The following TENM2 variants were observed in gnomAD, a reference collection of about 807,000 sequenced individuals.
TENM2 encodes teneurin transmembrane protein 2.
Under a neutral mutation model 245.2 loss-of-function variants are expected in TENM2, and 52 were observed. The ratio of observed to expected loss-of-function variants is 0.21; its 90% CI spans 0.17 to 0.27. The LOEUF is 0.27. Among genes scored for constraint, TENM2 ranks in the 10% least tolerant of loss-of-function variants. The pLI is 1.00. For missense variants in TENM2, 3,046 were observed against 3,666.8 expected, an observed-to-expected ratio of 0.83 and a Z score of 4.37; for synonymous variants, 1,363 against 1,438.9, an observed-to-expected ratio of 0.95 and a Z score of 1.19.
intron 2 of TENM2, among the ~76,000 whole-genome samples, chr5:167,385,045 A>G (rs1357856977): frequency 1.3e-5 from 2 of 152,212 alleles, no homozygotes; most frequent in African/African-American, 4.8e-5. Context: ...TATTACAACA[A>G]TTAGACTCCA....
chr5:167,638,446 T>C (rs1582618148), intron 2 of TENM2, among the ~76,000 whole-genome samples: 1 of 152,190 alleles, frequency 6.6e-6, no homozygotes, highest in East Asian at 1.9e-4. Flanking sequence ...AATTTTCTGA[T>C]TGATGGTGAG....
intron 2 of TENM2, among the ~76,000 whole-genome samples, chr5:167,648,656 A>G (rs910299941): frequency 6.6e-6 from 1 of 152,188 alleles, no homozygotes; most frequent in Non-Finnish European, 1.5e-5. Context: ...CTGCAGTCGG[A>G]TGGATGTCTG....
intron 2 of TENM2, among the ~76,000 whole-genome samples, chr5:167,643,498 TTAAAAA>T (rs1779740550): frequency 1.3e-5 from 2 of 152,136 alleles, no homozygotes; most frequent in African/African-American, 2.4e-5. Context: ...ACTGCTTCTG[TTAAAAA>T]TAAAAAAGGC....
intron 2 of TENM2, among the ~76,000 whole-genome samples, chr5:167,659,251 G>C (rs79384666): frequency 0.014 from 2,182 of 152,274 alleles, 50 homozygotes; most frequent in African/African-American, 0.05. Flanking sequence ...ATAAGATAAA[G>C]AGGAAAACAA....
chr5:167,296,472 T>G (rs1402087498), intron 1 of TENM2: 1 of 152,008 alleles, frequency 6.6e-6, no homozygotes, highest in Non-Finnish European at 1.5e-5. Context: ...TCCAGCGAGT[T>G]AAGTTAGTTT....
chr5:167,281,582 T>G (rs935931835), upstream of TENM2, among the ~76,000 whole-genome samples: 3 of 152,196 alleles, frequency 2.0e-5, no homozygotes, highest in Non-Finnish European at 2.9e-5. Flanking sequence ...GTGATATTGC[T>G]GACAAAGTTA....
intron 2 of TENM2, among the ~76,000 whole-genome samples, chr5:167,744,394 A>G (rs1663490408): frequency 6.6e-6 from 1 of 152,166 alleles, no homozygotes; most frequent in East Asian, 1.9e-4. Flanking sequence ...TGTTGTGAAA[A>G]GAATGAAGCA....
chr5:168,130,284 T>A (rs1754457369), intron 12 of TENM2: 1 of 152,238 alleles, frequency 6.6e-6, no homozygotes, highest in Admixed American at 6.5e-5. Flanking sequence ...CAATGTTAAC[T>A]GTTAGAGCTA....
rs148023718 is a variant in TENM2 at position 167,598,796 on chromosome 5, G to A, written c.502+223323G>A. 1.9e-3 allele frequency among the ~76,000 whole-genome samples: 286 copies of A among 152,002 alleles called. 1 individual carries two copies. The highest frequency in any genetic ancestry group is 3.2e-3 in the Non-Finnish European group (220 of 67,982). ...GCAATGAGTAATAATGTAAATGTTG[G>A]CAGTTATCAAAGTAAAGGGGAAAAA... On this transcript the variant is annotated intron_variant, in intron 2 of 28. Coordinates refer to ENST00000518659, the Ensembl canonical transcript of TENM2.
Position 167,583,867 on chromosome 5 carries a change from G to A in TENM2, c.502+208394G>A, listed in dbSNP as rs1056014507. Among the ~76,000 whole-genome samples, 26 of 152,200 alleles carry A rather than the reference G, an allele frequency of 1.7e-4. No individual in the cohort carries two copies. The East Asian group carries it at 1.7e-3, about 10-fold the overall frequency. On this transcript the variant is annotated intron_variant, in intron 2 of 28. Coordinates refer to ENST00000518659, the Ensembl canonical transcript of TENM2. ...CTTTCCTAACTGTGGCTTTGCAGAT[G>A]CTCATCTTTTTTGTCTGCTTTAACA... is the stretch of plus-strand genomic sequence containing the variant.
chr5:167,421,643 G>A (rs1385581983), intron 2 of TENM2, among the ~76,000 whole-genome samples: 1 of 152,142 alleles, frequency 6.6e-6, no homozygotes, highest in Non-Finnish European at 1.5e-5. Flanking sequence ...CATTAGCTCT[G>A]TGGACTCCTA....
chr5:167,185,036 G>C, the TENM2 span, among the ~76,000 whole-genome samples: 1 of 152,142 alleles, frequency 6.6e-6, no homozygotes, highest in Admixed American at 6.5e-5. Context: ...TTCTTCACCT[G>C]CTCACCTCCT....
At chr5:168,153,251 G>A (rs1370266322) in intron 12 of TENM2, among the ~76,000 whole-genome samples, 7 of 152,242 alleles carry the variant, frequency 4.6e-5, no homozygotes, top group Middle Eastern at 3.4e-3. Context: ...TGTCTGGGTC[G>A]CTTCCTCAGA....
the TENM2 span, among the ~76,000 whole-genome samples, chr5:167,092,375 A>T: frequency 6.6e-6 from 1 of 152,154 alleles, no homozygotes; most frequent in East Asian, 1.9e-4. Flanking sequence ...ATATCACTTT[A>T]ATTATTAATT....
At chr5:167,105,202 A>G in the TENM2 span, among the ~76,000 whole-genome samples, 2 of 152,290 alleles carry the variant, frequency 1.3e-5, no homozygotes, top group Admixed American at 6.5e-5. Context: ...TGAGTCTATA[A>G]TTTTTGACTT....
intron 13 of TENM2, among the ~76,000 whole-genome samples, chr5:168,180,512 T>G (rs10213694): frequency 0.029 from 4,348 of 152,278 alleles, 188 homozygotes; most frequent in African/African-American, 0.096. Context: ...TGTACTGCTG[T>G]GGATATTTGA....
In TENM2 at chr5:167,350,860, A is replaced by G. The variant is rs1354143387; in HGVS notation, c.227-24338A>G. Among the ~76,000 whole-genome samples, 46 of 88,538 alleles carry G rather than the reference A, an allele frequency of 5.2e-4. 3 individuals carry two copies. The highest frequency in any genetic ancestry group is 1.2e-3 in the South Asian group (3 of 2,402). The allele number at this position is 88,538 out of a possible 152,430, so 58.1% of individuals were successfully genotyped here. On this transcript the variant is annotated intron_variant, in intron 1 of 28. Transcript: ENST00000518659. ...ATATACATATGGATATATATATGGG[A>G]TGTATACATATGGATATATATATAT...
chr5:167,397,060 G>T (rs1206860986), intron 2 of TENM2, among the ~76,000 whole-genome samples: 1 of 152,138 alleles, frequency 6.6e-6, no homozygotes, highest in South Asian at 2.1e-4. Flanking sequence ...TTAATAAAAA[G>T]AGTCAAGATG....
At chr5:168,051,952 G>A (rs1369982925) in intron 6 of TENM2, among the ~76,000 whole-genome samples, 1 of 152,146 alleles carries the variant, frequency 6.6e-6, no homozygotes, top group Non-Finnish European at 1.5e-5. Context: ...TCTTTTGAGA[G>A]GCTATATTTT....
Sources: gnomAD v4.1 joint callset for allele counts (sites outside exome capture counted in the v4.1 genomes callset) on GRCh38, gnomAD v4.1.1 for gene constraint, MANE v1.5 for transcripts, NCBI Gene and HGNC (gene_info 2026-07-23, HGNC 2026-07-21) for gene names.